HOMER2: variants seen among roughly 807,000 people sequenced by gnomAD.
HOMER2 encodes homer protein homolog 2.
In HOMER2, 27 loss-of-function variants were observed where a neutral mutation model predicts 47.0. The ratio of observed to expected loss-of-function variants is 0.57; its 90% CI spans 0.42 to 0.79. The LOEUF (loss-of-function observed/expected upper bound fraction) is 0.79. Among genes scored for constraint, HOMER2 ranks in the 30% least tolerant of loss-of-function variants. HOMER2 has a pLI of 0.00. For missense variants in HOMER2, 443 were observed against 435.0 expected (o/e 1.02, Z -0.16); for synonymous variants, 161 against 163.8 (o/e 0.98, Z 0.13).
At chr15:82,909,332 G>T (rs545629682) in intron 1 of HOMER2, among the ~76,000 whole-genome samples, 1 of 152,274 alleles carries the variant, frequency 6.6e-6, no homozygotes, top group South Asian at 2.1e-4. Flanking sequence ...AGGGGAAAGG[G>T]GTCTTCTTCC....
chr15:82,972,998 G>T (rs1696422421), intron 1 of HOMER2, among the ~76,000 whole-genome samples: 1 of 152,134 alleles, frequency 6.6e-6, no homozygotes. Flanking sequence ...GAGCCTCCCT[G>T]CCTCCTTGTC....
downstream of HOMER2, chr15:82,835,956 A>T (rs979775377): frequency 6.6e-6 from 1 of 152,196 alleles, no homozygotes; most frequent in African/African-American, 2.4e-5. Context: ...GTAATTACGT[A>T]TTTATAATTT....
intron 1 of HOMER2, among the ~76,000 whole-genome samples, chr15:82,901,822 T>A (rs1022933943): frequency 3.3e-5 from 5 of 152,202 alleles, no homozygotes; most frequent in Admixed American, 6.5e-5. Flanking sequence ...AGCATTTGGA[T>A]AGTCATTCTC....
At chr15:82,841,644 T>C (rs562331274) in exon 2 of HOMER2, 10 of 152,232 alleles carry the variant, frequency 6.6e-5, no homozygotes, top group African/African-American at 2.2e-4. Flanking sequence ...TGAAATAAGA[T>C]TACAAATATG....
intron 1 of HOMER2, among the ~76,000 whole-genome samples, chr15:82,918,507 G>A (rs1441493012): frequency 6.6e-6 from 1 of 152,080 alleles, no homozygotes; most frequent in Non-Finnish European, 1.5e-5. Flanking sequence ...AGGCTGGGTG[G>A]TCTGGTGGGG....
chr15:82,921,625 A>G (rs1315768718), intron 1 of HOMER2, among the ~76,000 whole-genome samples: 3 of 152,086 alleles, frequency 2.0e-5, no homozygotes, highest in Non-Finnish European at 4.4e-5. Context: ...AGTATCACCT[A>G]GTATCACCTG....
chr15:82,977,797 T>C (rs1377644205), intron 1 of HOMER2, among the ~76,000 whole-genome samples: 1 of 152,168 alleles, frequency 6.6e-6, no homozygotes, highest in Non-Finnish European at 1.5e-5. Context: ...GCTGAGTCTT[T>C]ATATATGGTT....
In HOMER2 at chr15:82,962,214, C is replaced by T. The variant is rs188683932; in HGVS notation, n.83-2906G>A. ...TGAAACCCCGTCTCTACTAAAAATA[C>T]GAAAAATTAGCCGGGTGCAGTGGCA... is the stretch of plus-strand genomic sequence containing the variant. On this transcript the variant is annotated intron_variant and non_coding_transcript_variant, in intron 1 of 1. Coordinates refer to the HOMER2 transcript ENST00000500334. Among the ~76,000 whole-genome samples, 726 of 151,820 alleles carry T rather than the reference C, an allele frequency of 4.8e-3. 4 individuals carry two copies. Among genetic ancestry groups the T allele is most frequent in the African/African-American group, 0.016 (645 of 41,460 alleles).
chr15:82,853,522 G>A (rs2051467606), intron 6 of HOMER2, among the ~76,000 whole-genome samples: 1 of 152,134 alleles, frequency 6.6e-6, no homozygotes, highest in Non-Finnish European at 1.5e-5. Flanking sequence ...CCTCCAGGTC[G>A]GGCAGGGCAG....
rs555246310 is a variant in HOMER2 at position 82,917,828 on chromosome 15, C to T, written c.6-24987G>A. 2.6e-5 allele frequency among the ~76,000 whole-genome samples: 4 copies of T among 152,304 alleles called. No individual in the cohort carries two copies. The South Asian group carries it at 6.2e-4, about 24-fold the overall frequency. On this transcript the variant is annotated intron_variant, in intron 1 of 8. Coordinates refer to ENST00000450735, the MANE Select transcript of HOMER2 (RefSeq NM_004839.4). ...ATTATTTGGCTTTAAAATTATATCACATGTGCCCAGCAAGGCAAAACTCAT... is the reference window on the plus strand; with the variant it reads ...ATTATTTGGCTTTAAAATTATATCATATGTGCCCAGCAAGGCAAAACTCAT...
Position 82,891,766 on chromosome 15 carries a change from G to C in HOMER2, c.162+919C>G, listed in dbSNP as rs569157994. Among the ~76,000 whole-genome samples, 3 of 152,172 alleles carry C rather than the reference G, an allele frequency of 2.0e-5. 1 individual carries two copies. Among genetic ancestry groups the C allele is most frequent in the Admixed American group, 2.0e-4 (3 of 15,274 alleles). On this transcript the variant is annotated intron_variant, in intron 2 of 8. Coordinates refer to ENST00000450735, the MANE Select transcript of HOMER2 (RefSeq NM_004839.4). The stretch of plus-strand genomic sequence containing the variant: ...GTTATGGTCTTAAAAGAGCAGGCAC[G>C]AGTGGGTGACACTTCAAAGGCAGAT...
intron 1 of HOMER2, among the ~76,000 whole-genome samples, chr15:82,977,767 G>T (rs928296764): frequency 2.6e-5 from 4 of 152,184 alleles, no homozygotes; most frequent in African/African-American, 9.7e-5. Context: ...GGAAACAAAT[G>T]TGTTATGTAC....
chr15:82,871,844 C>T (rs893961312), intron 3 of HOMER2, among the ~76,000 whole-genome samples: 18 of 152,186 alleles, frequency 1.2e-4, no homozygotes, highest in African/African-American at 4.3e-4. Context: ...TTCTGGTTTT[C>T]GTGGGGAGTT....
upstream of HOMER2, among the ~76,000 whole-genome samples, chr15:82,954,974 C>T (rs1430914208): frequency 6.6e-6 from 1 of 151,722 alleles, no homozygotes; most frequent in Non-Finnish European, 1.5e-5. Flanking sequence ...GACAGGATTT[C>T]ACCATGTTGG....
chr15:82,868,541 A>ATATATATTTTTTTT, intron 3 of HOMER2, among the ~76,000 whole-genome samples: 5 of 71,288 alleles, frequency 7.0e-5, no homozygotes, highest in Non-Finnish European at 1.4e-4. Flanking sequence ...ATATATATAT[A>ATATATATTTTTTTT]TTTTTTTTTT....
At chr15:82,851,369 C>T (rs1332802949) in intron 7 of HOMER2, 138 bp from the exon 8 acceptor site, 3 of 647,468 alleles carry the variant, frequency 4.6e-6, no homozygotes, top group East Asian at 2.7e-5. Context: ...AGTGACCATG[C>T]GAATACTTCA....
At chr15:82,859,734 C>T (rs2051710443) in intron 4 of HOMER2, among the ~76,000 whole-genome samples, 1 of 152,044 alleles carries the variant, frequency 6.6e-6, no homozygotes, top group South Asian at 2.1e-4. Flanking sequence ...AGTCATACCA[C>T]GTAGAGGTGA....
intron 1 of HOMER2, among the ~76,000 whole-genome samples, 172 bp from the exon 2 acceptor site, chr15:82,893,013 T>C (rs555557590): frequency 1.3e-5 from 2 of 152,298 alleles, no homozygotes; most frequent in Admixed American, 6.5e-5. Context: ...GAGACACCAG[T>C]GAGTAGTTTT....
At chr15:82,959,996 C>G (rs1314820893) in intron 1 of HOMER2, among the ~76,000 whole-genome samples, 1 of 152,110 alleles carries the variant, frequency 6.6e-6, no homozygotes, top group Non-Finnish European at 1.5e-5. Flanking sequence ...GATTATTTGC[C>G]TCCGATTGGC....
Sources: gnomAD v4.1 joint callset for allele counts (sites outside exome capture counted in the v4.1 genomes callset) on GRCh38, gnomAD v4.1.1 for gene constraint, MANE v1.5 for transcripts, NCBI Gene and HGNC (gene_info 2026-07-23, HGNC 2026-07-21) for gene names.